ODAD2: variants seen among roughly 807,000 people sequenced by gnomAD.
ODAD2 encodes outer dynein arm docking complex subunit 2, also known as outer dynein arm-docking complex subunit 2.
Under a neutral mutation model 106.8 loss-of-function variants are expected in ODAD2, and 89 were observed. That is an observed-to-expected ratio of 0.83 (90% confidence interval 0.70 to 0.99). The LOEUF (loss-of-function observed/expected upper bound fraction) is 0.99. Ranked by LOEUF, ODAD2 falls within the 50% of genes least tolerant of loss-of-function variation. The pLI is 0.00. For missense variants in ODAD2, 1,168 were observed against 1,238.5 expected, an observed-to-expected ratio of 0.94 and a Z score of 0.85; for synonymous variants, 404 against 436.2, an observed-to-expected ratio of 0.93 and a Z score of 0.92.
intron 19 of ODAD2, among the ~76,000 whole-genome samples, chr10:27,840,010 A>G (rs992768245): frequency 6.6e-6 from 1 of 152,212 alleles, no homozygotes; most frequent in Admixed American, 6.5e-5. Flanking sequence ...TACCTTTCAC[A>G]TTAATAATTT....
rs567887431 is a variant in ODAD2, at chr10:27,858,212, AT to A, written c.3021+2412del. 1.2e-3 allele frequency among the ~76,000 whole-genome samples: 189 copies of A among 151,954 alleles called. 2 individuals are homozygous for A. The highest frequency in any genetic ancestry group is 4.2e-3 in the African/African-American group (175 of 41,424). ...CCAACACCCAGTATGCCACACCCAC[AT>A]TTTTTTCCTCCTTAAAGAAAACCAG... On this transcript the variant is annotated intron_variant, in intron 19 of 19. Transcript: ENST00000305242.
intron 16 of ODAD2, among the ~76,000 whole-genome samples, chr10:27,925,797 C>T (rs1845213278): frequency 6.6e-6 from 1 of 152,078 alleles, no homozygotes; most frequent in South Asian, 2.1e-4. Flanking sequence ...CAAAGAGGAT[C>T]CCTATCTCCA....
chr10:27,871,722 T>C (rs1360911004), intron 17 of ODAD2, among the ~76,000 whole-genome samples: 3 of 152,176 alleles, frequency 2.0e-5, no homozygotes, highest in Admixed American at 1.3e-4. Flanking sequence ...TATATCTCTG[T>C]TTTGGTACCA....
chr10:27,869,328 C>A (rs2133409184), intron 17 of ODAD2, among the ~76,000 whole-genome samples: 1 of 151,974 alleles, frequency 6.6e-6, no homozygotes. Context: ...CAAATCTCTA[C>A]AATAGGGCAC....
intron 17 of ODAD2, among the ~76,000 whole-genome samples, chr10:27,881,974 T>G (rs558755083): frequency 2.9e-4 from 44 of 151,998 alleles, no homozygotes; most frequent in African/African-American, 9.4e-4. Flanking sequence ...GAGACCAGAC[T>G]CGACAACATG....
chr10:27,832,437 C>A (rs1837550636), intron 19 of ODAD2, among the ~76,000 whole-genome samples: 1 of 152,136 alleles, frequency 6.6e-6, no homozygotes, highest in Non-Finnish European at 1.5e-5. Context: ...ATGCTGCTAG[C>A]TGACTACTTT....
chr10:27,841,761 G>GT (rs1274922806), intron 19 of ODAD2, among the ~76,000 whole-genome samples: 1 of 151,546 alleles, frequency 6.6e-6, no homozygotes, highest in African/African-American at 2.4e-5. Context: ...TTTTTTGTTT[G>GT]TTTTTTGTTT....
At chr10:27,943,420 T>C (rs1846595771) in intron 12 of ODAD2, among the ~76,000 whole-genome samples, 1 of 152,094 alleles carries the variant, frequency 6.6e-6, no homozygotes, top group Non-Finnish European at 1.5e-5. Flanking sequence ...ACTGGGATCA[T>C]AGATAACAGT....
intron 17 of ODAD2, among the ~76,000 whole-genome samples, chr10:27,871,622 C>A (rs889930471): frequency 6.6e-6 from 1 of 152,152 alleles, no homozygotes; most frequent in East Asian, 1.9e-4. Flanking sequence ...AATCCTTTCC[C>A]CATTTCCTAT....
Position 27,972,222 on chromosome 10 carries a change from C to T in ODAD2, c.937-909G>A, listed in dbSNP as rs189460543. Among the ~76,000 whole-genome samples, 328 of 151,954 alleles carry T rather than the reference C, an allele frequency of 2.2e-3. 2 individuals carry two copies. Among genetic ancestry groups the T allele is most frequent in the African/African-American group, 7.1e-3 (296 of 41,436 alleles). On this transcript the variant is annotated intron_variant, in intron 7 of 19. Transcript: ENST00000305242. ...ATTTTAGAATTTTACTTAAAGGAGA[C>T]GTGACAAATTTGAGATATATATCAT...
chr10:27,862,065 G>T (rs192817616), intron 18 of ODAD2, among the ~76,000 whole-genome samples: 2 of 152,226 alleles, frequency 1.3e-5, no homozygotes, highest in Admixed American at 6.5e-5. Flanking sequence ...GCTAAACTGG[G>T]GAGGCACATT....
intron 9 of ODAD2, among the ~76,000 whole-genome samples, chr10:27,963,588 A>G (rs1203800620): frequency 6.6e-6 from 1 of 151,966 alleles, no homozygotes; most frequent in African/African-American, 2.4e-5. Context: ...TCTGAAAACT[A>G]TTTTTCCCCC....
At chr10:27,831,267 C>A (rs1051498284) in intron 19 of ODAD2, among the ~76,000 whole-genome samples, 1 of 152,108 alleles carries the variant, frequency 6.6e-6, no homozygotes, top group African/African-American at 2.4e-5. Context: ...GAATTGGAGG[C>A]AACATTTATA....
chr10:27,947,742 A>G (rs1847039056), intron 10 of ODAD2, among the ~76,000 whole-genome samples: 1 of 152,128 alleles, frequency 6.6e-6, no homozygotes, highest in Non-Finnish European at 1.5e-5. Flanking sequence ...CTTCAGTATG[A>G]CTAGAAAGTG....
intron 19 of ODAD2, among the ~76,000 whole-genome samples, chr10:27,827,824 C>T (rs1048823432): frequency 6.6e-6 from 1 of 152,162 alleles, no homozygotes; most frequent in Admixed American, 6.5e-5. Context: ...AATTTTAATT[C>T]CCCAGAAAGG....
chr10:27,868,790 A>G (rs934588221), intron 17 of ODAD2, among the ~76,000 whole-genome samples: 5 of 152,188 alleles, frequency 3.3e-5, no homozygotes, highest in East Asian at 3.8e-4. Context: ...ACATTTACCT[A>G]TGTAACAAAC....
In ODAD2 at chr10:27,963,092, C is replaced by T. The variant is rs1347392013; in HGVS notation, c.1239-1377G>A. On this transcript the variant is annotated intron_variant, in intron 9 of 19. Transcript: ENST00000305242. ...GTGCAATCTTGGCTCACTGCAACCT[C>T]CGCCTGCCGGGTTCATGTGATTCTC... Among the ~76,000 whole-genome samples the T allele has an allele frequency of 2.1e-4, 32 of 151,992 alleles. 1 individual carries two copies. The highest frequency in any genetic ancestry group is 2.1e-3 in the Admixed American group (32 of 15,250).
intron 10 of ODAD2, among the ~76,000 whole-genome samples, chr10:27,954,518 A>G (rs1444825556): frequency 6.6e-6 from 1 of 152,018 alleles, no homozygotes; most frequent in African/African-American, 2.4e-5. Flanking sequence ...TGAATGAATG[A>G]ATGAATGAAT....
chr10:27,858,319 G>A lies in ODAD2; in HGVS notation c.3021+2306C>T, dbSNP rs138546479. Reference sequence around the variant, plus strand: ...CAGAACAGAGTAGGAAGAAGAGGTCGAGAGAGACAATCTCCAGGTTGCATA... The same window carrying A: ...CAGAACAGAGTAGGAAGAAGAGGTCAAGAGAGACAATCTCCAGGTTGCATA... On this transcript the variant is annotated intron_variant, in intron 19 of 19. Transcript: ENST00000305242. Among the ~76,000 whole-genome samples, 382 of 152,232 alleles carry A rather than the reference G, an allele frequency of 2.5e-3. 2 individuals carry two copies. The highest frequency in any genetic ancestry group is 8.6e-3 in the African/African-American group (356 of 41,536).
Sources: gnomAD v4.1 joint callset for allele counts (sites outside exome capture counted in the v4.1 genomes callset) on GRCh38, gnomAD v4.1.1 for gene constraint, MANE v1.5 for transcripts, NCBI Gene and HGNC (gene_info 2026-07-23, HGNC 2026-07-21) for gene names.